Variants in RIPOR3 observed in about 807,000 individuals in gnomAD.
RIPOR3 encodes RIPOR family member 3.
In RIPOR3, 95 loss-of-function variants were observed where a neutral mutation model predicts 114.3. The ratio of observed to expected loss-of-function variants is 0.83; its 90% CI spans 0.70 to 0.99. The LOEUF (loss-of-function observed/expected upper bound fraction) is 0.99, where lower values mean the gene tolerates loss of function less well. Among genes scored for constraint, RIPOR3 ranks in the 50% least tolerant of loss-of-function variants. The probability of loss-of-function intolerance (pLI) is 0.00; values close to 1 mark genes in which losing one functional copy is unlikely to be tolerated. For missense variants in RIPOR3, 1,252 were observed against 1,266.9 expected (o/e 0.99, Z 0.18); for synonymous variants, 575 against 543.8 (o/e 1.06, Z -0.80).
intron 1 of RIPOR3, among the ~76,000 whole-genome samples, chr20:50,679,470 C>T (rs2086790460): frequency 6.6e-6 from 1 of 150,420 alleles, no homozygotes; most frequent in Non-Finnish European, 1.5e-5. Context: ...TGGCAAGATC[C>T]CATCTCCACT....
Position 50,609,980 on chromosome 20 carries a change from A to ACCACCCCTGCCACCCCTGCCTCCCCTG in RIPOR3, c.427-259_427-258insCAGGGGAGGCAGGGGTGGCAGGGGTGG, listed in dbSNP as rs1568854449. Reference sequence around the variant, plus strand: ...CACCACTGCCTCACCTGCCACCCCTACCACCCCTGCCTCACCTGCCACCCC... The same window carrying ACCACCCCTGCCACCCCTGCCTCCCCTG: ...CACCACTGCCTCACCTGCCACCCCTACCACCCCTGCCACCCCTGCCTCCCCTGCCACCCCTGCCTCACCTGCCACCCC... On this transcript the variant is annotated intron_variant, in intron 6 of 21. Coordinates refer to ENST00000327979, the MANE Select transcript of RIPOR3 (RefSeq NM_001290268.2). Among the ~76,000 whole-genome samples, 2 of 52,736 alleles carry ACCACCCCTGCCACCCCTGCCTCCCCTG rather than the reference A, an allele frequency of 3.8e-5. 1 individual carries two copies. The highest frequency in any genetic ancestry group is 1.6e-4 in the African/African-American group (2 of 12,714). The allele number at this position is 52,736 out of a possible 152,430, so 34.6% of individuals were successfully genotyped here. A position where few individuals can be genotyped will look rare whatever the true frequency, so the allele number is the denominator to read the frequency against.
chr20:50,685,812 T>A (rs1277951691), intron 1 of RIPOR3, among the ~76,000 whole-genome samples: 4 of 77,182 alleles, frequency 5.2e-5, no homozygotes, highest in African/African-American at 2.1e-4. Context: ...AGAACGAGAC[T>A]CTGTCTCAAA....
intron 1 of RIPOR3, among the ~76,000 whole-genome samples, chr20:50,686,084 C>A (rs1267175806): frequency 6.6e-6 from 1 of 152,036 alleles, no homozygotes; most frequent in Non-Finnish European, 1.5e-5. Context: ...AAGAAGGAGT[C>A]TCGCTCTGTT....
At chr20:50,684,977 G>C (rs565842180) in intron 1 of RIPOR3, among the ~76,000 whole-genome samples, 1 of 152,212 alleles carries the variant, frequency 6.6e-6, no homozygotes, top group Non-Finnish European at 1.5e-5. Flanking sequence ...CAAAGGTCTT[G>C]CTATGTTGAC....
At chr20:50,618,183 C>T (rs1270436050) in intron 3 of RIPOR3, among the ~76,000 whole-genome samples, 1 of 146,910 alleles carries the variant, frequency 6.8e-6, no homozygotes, top group Non-Finnish European at 1.5e-5. Flanking sequence ...AGGAGAATAG[C>T]TTGAACCCAG....
intron 5 of RIPOR3, 114 bp downstream of exon 5, chr20:50,611,067 A>G: frequency 1.9e-6 from 3 of 1,560,344 alleles, no homozygotes; most frequent in Non-Finnish European, 2.6e-6. Context: ...CATTCCTAAA[A>G]TGGGGAGGAG....
intron 19 of RIPOR3, 119 bp from the exon 20 acceptor site, chr20:50,589,888 A>G (rs2083055665): frequency 2.5e-6 from 2 of 801,996 alleles, no homozygotes; most frequent in South Asian, 2.9e-5. Flanking sequence ...TTCTCTAAAC[A>G]ACGTTCAGGA....
chr20:50,589,027 A>C (rs1262140296), intron 20 of RIPOR3, among the ~76,000 whole-genome samples: 6 of 141,330 alleles, frequency 4.2e-5, no homozygotes, highest in Non-Finnish European at 7.6e-5. Flanking sequence ...GCTTGCAGTG[A>C]GCCGAGATCG....
Position 50,593,061 on chromosome 20 carries a change from T to C in RIPOR3, c.2348A>G (p.Lys783Arg). The C allele has an allele frequency of 6.2e-7, 1 of 1,614,112 alleles. No individual in the cohort carries two copies. Among genetic ancestry groups the C allele is most frequent in the Non-Finnish European group, 8.5e-7 (1 of 1,180,040 alleles). ...TTCCTTGGTGAGCTGGGTGAAGTGC[T>C]TCTCCAGGTCAGAGACGCTCTGCCT... The part of the protein sequence containing the change: ...LQRQSVSDLE[K>R]HFTQLTKEVT... The change falls in exon 18 of 22, where the codon AAG (lysine) becomes AGG (arginine). Residue 783 changes from lysine to arginine, a missense_variant. By Grantham distance (26) the Lys-to-Arg change is conservative (BLOSUM62 2). Coordinates refer to ENST00000327979, the MANE Select transcript of RIPOR3 (RefSeq NM_001290268.2).
chr20:50,679,553 C>T (rs1321404703), intron 1 of RIPOR3, among the ~76,000 whole-genome samples: 2 of 142,734 alleles, frequency 1.4e-5, no homozygotes, highest in African/African-American at 2.6e-5. Context: ...GTCAGGAGAT[C>T]GAGACCATTC....
At chr20:50,684,822 C>A (rs1461581732) in intron 1 of RIPOR3, among the ~76,000 whole-genome samples, 1 of 152,202 alleles carries the variant, frequency 6.6e-6, no homozygotes, top group Non-Finnish European at 1.5e-5. Flanking sequence ...GTCACTCAGG[C>A]TGGATTGCAG....
intron 1 of RIPOR3, among the ~76,000 whole-genome samples, chr20:50,685,526 A>G (rs2086986479): frequency 6.6e-6 from 1 of 151,526 alleles, no homozygotes; most frequent in Admixed American, 6.6e-5. Context: ...GATGGGATAA[A>G]ATTTTTTAAA....
chr20:50,689,134 T>C (rs2087123454), intron 1 of RIPOR3, among the ~76,000 whole-genome samples: 1 of 151,242 alleles, frequency 6.6e-6, no homozygotes, highest in African/African-American at 2.4e-5. Flanking sequence ...TGGACTTCTC[T>C]AGGGAAGTGG....
intron 1 of RIPOR3, among the ~76,000 whole-genome samples, chr20:50,665,784 A>T (rs576130841): frequency 6.6e-6 from 1 of 152,180 alleles, no homozygotes; most frequent in South Asian, 2.1e-4. Context: ...ATGGAGTAGA[A>T]CACAGACAGT....
In RIPOR3 at chr20:50,608,945, GC is replaced by G. The variant is rs1568851432; in HGVS notation, c.650del (p.Gly217AlafsTer55). On this transcript the variant is annotated frameshift_variant, in exon 9 of 22. Transcript: ENST00000327979. LOFTEE classifies it high-confidence loss of function. ...GGTCTCCGGGACAGAGGCGTGCGTA[GC>G]CCACCAAGCCTGGAACACAGACATG... is the stretch of plus-strand genomic sequence containing the variant. Reference protein sequence around the residue: ...EFHIRMKGLVGYARLCPGDHY... With the variant: ...EFHIRMKGLVXYARLCPGDHY... The G allele has an allele frequency of 6.3e-7, 1 of 1,582,304 alleles. No homozygotes were observed. Among genetic ancestry groups the G allele is most frequent in the East Asian group, 2.3e-5 (1 of 43,578 alleles).
At chr20:50,646,501 A>G (rs1407860611) in intron 1 of RIPOR3, among the ~76,000 whole-genome samples, 3 of 152,020 alleles carry the variant, frequency 2.0e-5, no homozygotes, top group Non-Finnish European at 2.9e-5. Context: ...TCCCAAAGGA[A>G]CAGACTTATT....
In RIPOR3 at chr20:50,609,013, C is replaced by T. The variant is rs2083845144; in HGVS notation, c.641-58G>A. On this transcript the variant is annotated intron_variant, in intron 8 of 21. Coordinates refer to ENST00000327979, the MANE Select transcript of RIPOR3 (RefSeq NM_001290268.2). ...CCTTCCACTCTCCCTGACCTGGGAC[C>T]ACAGGTCCTCTCTGGGGTTCCCCCG... 3 of 1,550,806 alleles carry T rather than the reference C, an allele frequency of 1.9e-6. No individual in the cohort carries two copies. In the Admixed American group the frequency reaches 5.9e-5, roughly 30 times the overall value.
chr20:50,605,788 G>GA (rs1323549471), intron 11 of RIPOR3, among the ~76,000 whole-genome samples: 8,488 of 130,840 alleles, frequency 0.065, 344 homozygotes, highest in Non-Finnish European at 0.098. Flanking sequence ...CAAAAAAAAA[G>GA]AAAAAAAAAA....
intron 1 of RIPOR3, among the ~76,000 whole-genome samples, chr20:50,643,048 C>CA (rs964311954): frequency 0.013 from 1,842 of 142,416 alleles, 41 homozygotes; most frequent in African/African-American, 0.042. Context: ...AACTCCATCT[C>CA]AAAAAAAAAA....
Sources: allele counts gnomAD v4.1 joint callset (sites outside exome capture counted in the v4.1 genomes callset), GRCh38; gene constraint gnomAD v4.1.1; transcripts MANE v1.5; gene names NCBI Gene and HGNC (gene_info 2026-07-23, HGNC 2026-07-21).